FAM227B: variants seen among roughly 807,000 people sequenced by gnomAD.
FAM227B encodes protein FAM227B.
FAM227B carries 88 observed loss-of-function variants against 73.8 expected under a neutral mutation model. That is an observed-to-expected ratio of 1.19 (90% CI 1.00 to 1.42). The LOEUF is 1.42. Among genes scored for constraint, FAM227B ranks in the 40% most tolerant of loss-of-function variants. The pLI is 0.00. For missense variants in FAM227B, 632 were observed against 590.9 expected (o/e 1.07, Z -0.72); for synonymous variants, 210 against 190.5 (o/e 1.10, Z -0.84).
At chr15:49,618,732 C>T (rs187471159) in intron 1 of FAM227B, among the ~76,000 whole-genome samples, 23 of 152,252 alleles carry the variant, frequency 1.5e-4, no homozygotes, top group African/African-American at 5.1e-4. Context: ...TGGGTAATGT[C>T]TGAAATTGGA....
At position 49,479,611 on chromosome 15, in the gene FAM227B, T is replaced by TTTTTTG. The variant is rs1280318413; in HGVS notation, c.1012+28599_1012+28600insCAAAAA. On this transcript the variant is annotated intron_variant, in intron 11 of 15. Transcript: ENST00000299338. ...AGTTAATACCTCTGTTTTTTTTTTT[T>TTTTTTG]TTTTTTTTTTTTTTTTTGTGAAATG... 2.0e-3 allele frequency among the ~76,000 whole-genome samples: 264 copies of TTTTTTG among 134,334 alleles called. 2 individuals are homozygous for TTTTTTG. Among genetic ancestry groups the TTTTTTG allele is most frequent in the African/African-American group, 7.1e-3 (253 of 35,636 alleles). 88.1% of individuals were successfully genotyped at this position (134,334 alleles called of 152,430 possible). A position where few individuals can be genotyped will look rare whatever the true frequency, so the allele number is the denominator to read the frequency against.
chr15:49,559,888 A>G (rs2074101315), intron 9 of FAM227B, among the ~76,000 whole-genome samples: 1 of 151,978 alleles, frequency 6.6e-6, no homozygotes, highest in African/African-American at 2.4e-5. Context: ...TTGAGCTGAG[A>G]TTGTGCTACT....
At chr15:49,422,660 T>A in intron 11 of FAM227B, 1 of 1,104,718 alleles carries the variant, frequency 9.1e-7, no homozygotes. Flanking sequence ...CCCGAAGTCA[T>A]ACTGGTCATT....
intron 10 of FAM227B, among the ~76,000 whole-genome samples, chr15:49,516,168 A>G (rs993009631): frequency 5.9e-5 from 9 of 152,062 alleles, no homozygotes; most frequent in African/African-American, 2.2e-4. Context: ...TTTTTTACAT[A>G]GAGTAGGGGC....
intron 10 of FAM227B, among the ~76,000 whole-genome samples, chr15:49,524,575 C>T (rs775985663): frequency 1.2e-4 from 19 of 152,176 alleles, no homozygotes; most frequent in Non-Finnish European, 2.2e-4. Context: ...TGGGGCACTG[C>T]CTAGTGGATC....
chr15:49,328,297 G>C lies in FAM227B; in HGVS notation c.*271C>G, dbSNP rs2037879581. 1.4e-6 allele frequency: 2 copies of C among 1,436,554 alleles called. No individual in the cohort carries two copies. The highest frequency in any genetic ancestry group is 1.8e-6 in the Non-Finnish European group (2 of 1,098,464). 89.0% of individuals were successfully genotyped at this position (1,436,554 alleles called of 1,614,324 possible). ...TATTATATCAAGATATATTTTCAAAGAAATGGTTGAAAGCTCTCTATGCTT... is the reference window on the plus strand; with the variant it reads ...TATTATATCAAGATATATTTTCAAACAAATGGTTGAAAGCTCTCTATGCTT... On this transcript the variant is annotated 3_prime_UTR_variant, in exon 16 of 16. Coordinates refer to ENST00000299338, the MANE Select transcript of FAM227B (RefSeq NM_152647.3).
At chr15:49,608,475 C>T (rs1002277426) in intron 3 of FAM227B, among the ~76,000 whole-genome samples, 1 of 151,822 alleles carries the variant, frequency 6.6e-6, no homozygotes, top group African/African-American at 2.4e-5. Flanking sequence ...GCCCAAGAGA[C>T]AATGCTGAAG....
intron 3 of FAM227B, among the ~76,000 whole-genome samples, chr15:49,604,665 C>T (rs1386653780): frequency 3.3e-5 from 5 of 151,934 alleles, no homozygotes; most frequent in African/African-American, 1.2e-4. Flanking sequence ...TCTTCTCCTT[C>T]TGGAATTCCT....
At chr15:49,618,543 G>A (rs1484253765) in intron 1 of FAM227B, among the ~76,000 whole-genome samples, 1 of 152,216 alleles carries the variant, frequency 6.6e-6, no homozygotes, top group Non-Finnish European at 1.5e-5. Context: ...GGGGTTGAAT[G>A]ACATTTACCT....
In FAM227B at chr15:49,508,278, A is replaced by G; in HGVS notation, c.945T>C (p.Gly315=). The G allele has an allele frequency of 6.2e-7, 1 of 1,611,340 alleles. No homozygotes were observed. ...LKELSTTTIH[G]SKKAPAKSVK... ...CTGATTTTGCAGGTGCTTTTTTGCT[A>G]CCATGAATGGTGGTTGTGGAGAGTT... The change falls in exon 11 of 16, where the codon GGT becomes GGC. Residue 315 remains glycine, a synonymous_variant. Coordinates refer to ENST00000299338, the MANE Select transcript of FAM227B (RefSeq NM_152647.3).
rs2037779743 is a variant in FAM227B at position 49,327,798 on chromosome 15, A to C, written c.*770T>G. On this transcript the variant is annotated 3_prime_UTR_variant, in exon 16 of 16. Transcript: ENST00000299338. ...CCAAATCACTCTCTGAAACAGTATAAATGTCTTAATGTCCTAAAATGTTTG... is the reference window on the plus strand; with the variant it reads ...CCAAATCACTCTCTGAAACAGTATACATGTCTTAATGTCCTAAAATGTTTG... The C allele has an allele frequency of 1.6e-6, 1 of 630,738 alleles. No individual in the cohort carries two copies. Among genetic ancestry groups the C allele is most frequent in the Admixed American group, 3.2e-5 (1 of 31,252 alleles). The allele number at this position is 630,738 out of a possible 1,614,324, so 39.1% of individuals were successfully genotyped here.
chr15:49,607,944 A>C (rs1312189831), intron 3 of FAM227B, among the ~76,000 whole-genome samples: 2 of 152,122 alleles, frequency 1.3e-5, no homozygotes, highest in Non-Finnish European at 2.9e-5. Context: ...TACCTCTTGA[A>C]TAGAGTGTTA....
At chr15:49,585,523 T>C (rs1261515839) in intron 5 of FAM227B, among the ~76,000 whole-genome samples, 1 of 152,200 alleles carries the variant, frequency 6.6e-6, no homozygotes, top group Admixed American at 6.5e-5. Flanking sequence ...TAAAAAATGA[T>C]GAGTTCATGT....
At chr15:49,423,020 C>G in intron 11 of FAM227B, 1 of 245,436 alleles carries the variant, frequency 4.1e-6, no homozygotes, top group Non-Finnish European at 8.0e-6. Context: ...CTTTCCCCTT[C>G]TAACTGCTTC....
At chr15:49,402,882 C>A (rs1464004283) in intron 11 of FAM227B, among the ~76,000 whole-genome samples, 1 of 152,112 alleles carries the variant, frequency 6.6e-6, no homozygotes, top group Non-Finnish European at 1.5e-5. Flanking sequence ...ATGCTTCCAG[C>A]TTTTGTCCAT....
intron 14 of FAM227B, chr15:49,334,360 T>A: frequency 4.6e-6 from 2 of 430,240 alleles, no homozygotes; most frequent in Non-Finnish European, 6.2e-6. Context: ...AAAGAATAAA[T>A]CAACAATTTA....
At chr15:49,388,917 C>A (rs1208327171) in intron 11 of FAM227B, among the ~76,000 whole-genome samples, 1 of 151,826 alleles carries the variant, frequency 6.6e-6, no homozygotes, top group Non-Finnish European at 1.5e-5. Flanking sequence ...CAGGGAAGTG[C>A]AAATTAAAAC....
chr15:49,416,527 A>C (rs1667243269), intron 11 of FAM227B, among the ~76,000 whole-genome samples: 1 of 152,158 alleles, frequency 6.6e-6, no homozygotes, highest in Admixed American at 6.6e-5. Flanking sequence ...GGCAAGAGAA[A>C]GAAATAAAAG....
chr15:49,459,621 A>AT (rs1264358418), intron 11 of FAM227B, among the ~76,000 whole-genome samples: 2 of 152,092 alleles, frequency 1.3e-5, no homozygotes, highest in Non-Finnish European at 2.9e-5. Context: ...ATGTAAATTT[A>AT]TAGAGTTTGA....
Sources: allele counts gnomAD v4.1 joint callset (sites outside exome capture counted in the v4.1 genomes callset), GRCh38; gene constraint gnomAD v4.1.1; transcripts MANE v1.5; gene names NCBI Gene and HGNC (gene_info 2026-07-23, HGNC 2026-07-21).